The following OGN variants were observed in gnomAD, a reference collection of about 807,000 sequenced individuals.
OGN encodes osteoglycin.
OGN carries 19 observed loss-of-function variants against 30.8 expected under a neutral mutation model. That is an observed-to-expected ratio of 0.62 (90% CI 0.43 to 0.90). The LOEUF (loss-of-function observed/expected upper bound fraction) is 0.90, where lower values mean the gene tolerates loss of function less well. Among genes scored for constraint, OGN ranks in the 40% least tolerant of loss-of-function variants. The pLI is 0.00. For missense variants in OGN, 283 were observed against 349.7 expected (o/e 0.81, Z 1.52); for synonymous variants, 126 against 128.3 (o/e 0.98, Z 0.12).
chr9:92,388,466 C>G (rs1161711936), intron 5 of OGN, among the ~76,000 whole-genome samples: 4 of 151,710 alleles, frequency 2.6e-5, no homozygotes, highest in African/African-American at 9.7e-5. Context: ...CTGTCCTGAT[C>G]AACTTTTATA....
chr9:92,396,848 T>C (rs1487058399), intron 3 of OGN, among the ~76,000 whole-genome samples: 1 of 152,130 alleles, frequency 6.6e-6, no homozygotes, highest in East Asian at 1.9e-4. Flanking sequence ...CTTTTATATC[T>C]ATTTCTTTTA....
chr9:92,401,320 A>T (rs142302539), intron 2 of OGN, 135 bp from the exon 3 acceptor site: 4 of 509,858 alleles, frequency 7.8e-6, no homozygotes, highest in African/African-American at 2.0e-5. Context: ...TTTCATACAT[A>T]TTTCCATTTT....
intron 3 of OGN, among the ~76,000 whole-genome samples, chr9:92,399,758 A>G (rs1363309432): frequency 6.6e-6 from 1 of 152,024 alleles, no homozygotes; most frequent in Non-Finnish European, 1.5e-5. Context: ...TAAAAAGACC[A>G]TTTTTGCTTC....
In OGN at chr9:92,390,415, A is replaced by AT. The variant is rs561552569; in HGVS notation, c.428-360dup. Among the ~76,000 whole-genome samples the AT allele has an allele frequency of 8.5e-4, 130 of 152,178 alleles. No homozygotes were observed. In the East Asian group the frequency reaches 0.019, roughly 22 times the overall value. On this transcript the variant is annotated intron_variant, in intron 4 of 6. Transcript: ENST00000375561. ...CATTACATTTGATTGGAATCATGTA[A>AT]TTTTTTTTATTTTTTTGCTGGCATG... is the stretch of plus-strand genomic sequence containing the variant.
Position 92,386,217 on chromosome 9 carries a change from C to T in OGN, c.710G>A (p.Arg237His), listed in dbSNP as rs1293639125. ...SVPLNLPESLRVIHLQFNNIA... is the reference protein window; with the variant it reads ...SVPLNLPESLHVIHLQFNNIA... Reference sequence around the variant, plus strand: ...CTATCATACCTGAAGATGAATTACACGTAGACTTTCTGGTAAATTAAGAGG... The same window carrying T: ...CTATCATACCTGAAGATGAATTACATGTAGACTTTCTGGTAAATTAAGAGG... The change falls in exon 6 of 7, where the codon CGT becomes CAT. Residue 237 changes from arginine to histidine, a missense_variant. By Grantham distance (29) the Arg-to-His change is conservative. Transcript: ENST00000375561. 23 of 1,607,886 alleles carry T rather than the reference C, an allele frequency of 1.4e-5. No homozygotes were observed. The highest frequency in any genetic ancestry group is 1.6e-4 in the Middle Eastern group (1 of 6,072).
intron 4 of OGN, 30 bp from the exon 5 acceptor site, chr9:92,390,086 A>G (rs949964879): frequency 3.1e-6 from 4 of 1,276,580 alleles, no homozygotes; most frequent in African/African-American, 3.0e-5. Context: ...AAAAACAACT[A>G]CGTAAGTAAA....
rs201178577 is a variant in OGN at position 92,393,188 on chromosome 9, C to A, written c.325G>T (p.Val109Phe). The change falls in exon 4 of 7, where the codon GTT becomes TTT. Residue 109 changes from valine (V) to phenylalanine (F), a missense_variant. By Grantham distance (50) the Val-to-Phe change is conservative. Transcript: ENST00000375561. Reference protein sequence around the residue: ...CLSGSVYCEEVDIDAVPPLPK... With the variant: ...CLSGSVYCEEFDIDAVPPLPK... Reference sequence around the variant, plus strand: ...AAGGGTGGTACAGCATCAATGTCAACTTCTTCACAGTATACAGAGCCACTT... The same window carrying A: ...AAGGGTGGTACAGCATCAATGTCAAATTCTTCACAGTATACAGAGCCACTT... 1 of 1,613,704 alleles carries A rather than the reference C, an allele frequency of 6.2e-7. No individual in the cohort carries two copies. Among genetic ancestry groups the A allele is most frequent in the Non-Finnish European group, 8.5e-7 (1 of 1,179,830 alleles).
Position 92,389,705 on chromosome 9 carries a change from G to C in OGN, c.630+149C>G, listed in dbSNP as rs1363236034. On this transcript the variant is annotated intron_variant, in intron 5 of 6. Transcript: ENST00000375561. ...AAGCTAGGCTGAATGAGCCTAATAG[G>C]ATGGTTATTTATTATGTAAATAATG... is the stretch of plus-strand genomic sequence containing the variant. 3 of 583,910 alleles carry C rather than the reference G, an allele frequency of 5.1e-6. No individual in the cohort carries two copies. In the Admixed American group the frequency reaches 1.0e-4, roughly 19 times the overall value. 36.2% of individuals were successfully genotyped at this position (583,910 alleles called of 1,614,324 possible).
chr9:92,390,039 C>G lies in OGN; in HGVS notation c.445G>C (p.Asp149His). ...TCTTCTATCAAATTTCCTGTAAAAT[C>G]GAGTCTTCTTAAGTTAGCTAGAGGG... is the stretch of plus-strand genomic sequence containing the variant. The part of the protein sequence containing the change: ...FADIPNLRRL[D>H]FTGNLIEDIE... The change falls in exon 5 of 7, where the codon GAT (aspartate) becomes CAT (histidine). Residue 149 changes from aspartate (D) to histidine (H), a missense_variant. By Grantham distance (81) the Asp-to-His change is moderately conservative. Transcript: ENST00000375561. 1 of 1,597,792 alleles carries G rather than the reference C, an allele frequency of 6.3e-7. No homozygotes were observed. The highest frequency in any genetic ancestry group is 1.3e-5 in the African/African-American group (1 of 74,524).
At chr9:92,386,850 G>T (rs1842443349) in intron 5 of OGN, among the ~76,000 whole-genome samples, 1 of 151,738 alleles carries the variant, frequency 6.6e-6, no homozygotes, top group Non-Finnish European at 1.5e-5. Context: ...CCAAAGTGCT[G>T]GGATTACAGG....
intron 4 of OGN, among the ~76,000 whole-genome samples, chr9:92,392,089 G>A (rs1842710307): frequency 6.6e-6 from 1 of 151,704 alleles, no homozygotes; most frequent in Non-Finnish European, 1.5e-5. Context: ...TCTAGGACTG[G>A]GATTTGGTAC....
In OGN at chr9:92,393,891, G is replaced by A. The variant is rs1057129885; in HGVS notation, c.269-647C>T. Among the ~76,000 whole-genome samples the A allele has an allele frequency of 2.6e-5, 4 of 152,156 alleles. No homozygotes were observed. The South Asian group carries it at 6.2e-4, about 24-fold the overall frequency. ...GGCAGGAGTACCATGGATCGTCAGTGCTGTGTGTCCAAAAGCACATGATAT... is the reference window on the plus strand; with the variant it reads ...GGCAGGAGTACCATGGATCGTCAGTACTGTGTGTCCAAAAGCACATGATAT... On this transcript the variant is annotated intron_variant, in intron 3 of 6. Transcript: ENST00000375561.
intron 4 of OGN, among the ~76,000 whole-genome samples, chr9:92,390,587 T>TGTGTGCGCGCGC (rs749697394): frequency 9.2e-5 from 13 of 141,812 alleles, no homozygotes; most frequent in South Asian, 7.0e-4. Context: ...TGTGTGTGTG[T>TGTGTGCGCGCGC]GCGCGCGCGC....
At chr9:92,385,973 C>T (rs1026274484) in intron 6 of OGN, among the ~76,000 whole-genome samples, 183 bp from the exon 7 acceptor site, 2 of 152,210 alleles carry the variant, frequency 1.3e-5, no homozygotes, top group African/African-American at 4.8e-5. Context: ...GAGCAGACTT[C>T]ACACGTACTG....
intron 5 of OGN, chr9:92,389,559 G>T: frequency 4.6e-6 from 1 of 215,740 alleles, no homozygotes. Context: ...TAAGTGTCAT[G>T]AGAGGGCCAA....
chr9:92,402,332 AAAAAG>A (rs1325925048), intron 2 of OGN, among the ~76,000 whole-genome samples: 1 of 152,194 alleles, frequency 6.6e-6, no homozygotes, highest in African/African-American at 2.4e-5. Context: ...TACCCCTGCA[AAAAAG>A]AAAAGAGAAA....
chr9:92,404,123 G>T (rs972201269), intron 1 of OGN, among the ~76,000 whole-genome samples: 11 of 152,112 alleles, frequency 7.2e-5, no homozygotes, highest in African/African-American at 2.2e-4. Context: ...GAACTTTGAG[G>T]AATGTAATAG....
chr9:92,383,727 C>A lies in OGN; in HGVS notation c.*1893G>T, dbSNP rs1053464207. 1.2e-4 allele frequency among the ~76,000 whole-genome samples: 19 copies of A among 152,052 alleles called. No homozygotes were observed. Among genetic ancestry groups the A allele is most frequent in the African/African-American group, 3.1e-4 (13 of 41,434 alleles). On this transcript the variant is annotated 3_prime_UTR_variant, in exon 7 of 7. Transcript: ENST00000375561. ...TTATCTAGAAATCCCCAAATTATTT[C>A]TTTAATTCTGGAATTCATACCTTTT...
At chr9:92,400,980 C>T in intron 3 of OGN, 112 bp downstream of exon 3, 1 of 569,588 alleles carries the variant, frequency 1.8e-6, no homozygotes, top group Non-Finnish European at 3.1e-6. Context: ...AAATAAAATT[C>T]CACTGTTTGT....
Sources: gnomAD v4.1 joint callset for allele counts (sites outside exome capture counted in the v4.1 genomes callset) on GRCh38, gnomAD v4.1.1 for gene constraint, MANE v1.5 for transcripts, NCBI Gene and HGNC (gene_info 2026-07-23, HGNC 2026-07-21) for gene names.